Variants in EPHA6 observed in about 807,000 individuals in gnomAD.
The protein encoded by EPHA6 is ephrin type-A receptor 6.
EPHA6 carries 50 observed loss-of-function variants against 112.0 expected under a neutral mutation model. The ratio of observed to expected loss-of-function variants is 0.45; its 90% confidence interval spans 0.36 to 0.56. EPHA6 has a LOEUF of 0.56. Ranked by LOEUF, EPHA6 falls within the 20% of genes least tolerant of loss-of-function variation. EPHA6 has a pLI of 0.00. For missense variants in EPHA6, 1,280 were observed against 1,417.4 expected, an observed-to-expected ratio of 0.90 and a Z score of 1.56; for synonymous variants, 529 against 490.7, an observed-to-expected ratio of 1.08 and a Z score of -1.03.
intron 14 of EPHA6, among the ~76,000 whole-genome samples, chr3:97,700,713 C>T (rs1489331751): frequency 6.6e-6 from 1 of 152,082 alleles, no homozygotes; most frequent in East Asian, 1.9e-4. Context: ...ATACAGTACA[C>T]ATATAAAATA....
At chr3:96,883,439 T>G (rs1576230383) in intron 2 of EPHA6, among the ~76,000 whole-genome samples, 1 of 152,338 alleles carries the variant, frequency 6.6e-6, no homozygotes, top group Non-Finnish European at 1.5e-5. Flanking sequence ...GCTATTTATC[T>G]TTGTTTTTAT....
intron 14 of EPHA6, among the ~76,000 whole-genome samples, chr3:97,669,736 G>T (rs780367500): frequency 5.9e-5 from 9 of 152,174 alleles, no homozygotes; most frequent in Admixed American, 2.6e-4. Flanking sequence ...CAGTCTAGTA[G>T]TAAGAACCCT....
intron 13 of EPHA6, among the ~76,000 whole-genome samples, chr3:97,617,203 G>A (rs1006560458): frequency 6.6e-6 from 1 of 151,938 alleles, no homozygotes; most frequent in Non-Finnish European, 1.5e-5. Flanking sequence ...AGGGAAATAA[G>A]GTCCTTTTCA....
intron 10 of EPHA6, among the ~76,000 whole-genome samples, chr3:97,496,513 C>T (rs1051526367): frequency 2.6e-5 from 4 of 152,090 alleles, no homozygotes; most frequent in African/African-American, 9.7e-5. Context: ...TATGTTATAG[C>T]TCATGCTTTT....
At chr3:97,567,428 C>G (rs191705783) in intron 11 of EPHA6, among the ~76,000 whole-genome samples, 4 of 152,050 alleles carry the variant, frequency 2.6e-5, no homozygotes, top group Admixed American at 2.6e-4. Context: ...AATAATAGCT[C>G]TTTTACAAAG....
At chr3:97,448,886 G>A (rs1457035879) in intron 7 of EPHA6, among the ~76,000 whole-genome samples, 156 bp downstream of exon 7, 2 of 152,028 alleles carry the variant, frequency 1.3e-5, no homozygotes, top group East Asian at 1.9e-4. Context: ...GTTAATATTT[G>A]TTGCTATCAT....
rs201521455 is a variant in EPHA6 at position 97,295,575 on chromosome 3, TC to T, written c.1606+51289del. ...TTGAATTTTTTTTTTTTTACTTTTA[TC>T]AATTTATTTTTCATTGTAATCCTTG... On this transcript the variant is annotated intron_variant, in intron 5 of 17. Transcript: ENST00000389672. 5.5e-3 allele frequency among the ~76,000 whole-genome samples: 837 copies of T among 152,032 alleles called. 5 individuals carry two copies. Among genetic ancestry groups the T allele is most frequent in the Non-Finnish European group, 8.9e-3 (605 of 67,998 alleles).
chr3:97,676,328 G>A (rs1488681004), intron 14 of EPHA6, among the ~76,000 whole-genome samples: 1 of 152,124 alleles, frequency 6.6e-6, no homozygotes, highest in Non-Finnish European at 1.5e-5. Flanking sequence ...CCAAGTGAAG[G>A]AAGTATTTCA....
At chr3:97,302,881 T>G (rs1349327618) in intron 5 of EPHA6, among the ~76,000 whole-genome samples, 1 of 151,572 alleles carries the variant, frequency 6.6e-6, no homozygotes, top group Admixed American at 6.6e-5. Context: ...ATTCACTCAG[T>G]ATAGCTTTTT....
At chr3:97,612,468 C>CAAATA (rs559385186) in intron 13 of EPHA6, 6 of 361,146 alleles carry the variant, frequency 1.7e-5, no homozygotes, top group South Asian at 1.3e-4. Flanking sequence ...CTACCACAAG[C>CAAATA]AAATAAGGTG....
intron 14 of EPHA6, among the ~76,000 whole-genome samples, chr3:97,680,398 C>CAAGTGTG (rs1366982032): frequency 6.6e-6 from 1 of 152,208 alleles, no homozygotes; most frequent in Non-Finnish European, 1.5e-5. Context: ...GACCTCACTA[C>CAAGTGTG]AAGTGTGTAC....
chr3:97,639,904 GTC>G (rs2093985743), intron 14 of EPHA6, among the ~76,000 whole-genome samples: 1 of 151,840 alleles, frequency 6.6e-6, no homozygotes, highest in Admixed American at 6.6e-5. Context: ...TAAGAAATAA[GTC>G]TCTGAATTTA....
intron 5 of EPHA6, among the ~76,000 whole-genome samples, chr3:97,329,374 T>A (rs2082658289): frequency 6.6e-6 from 1 of 151,210 alleles, no homozygotes; most frequent in African/African-American, 2.5e-5. Context: ...TAGTTCTGGA[T>A]CCCTGAGGAA....
chr3:97,489,676 A>G (rs2107517479), intron 10 of EPHA6, among the ~76,000 whole-genome samples: 1 of 145,840 alleles, frequency 6.9e-6, no homozygotes, highest in South Asian at 2.1e-4. Context: ...AAAAAGCGAG[A>G]CTCCGTCTTA....
At chr3:97,234,277 T>C (rs2078617729) in intron 4 of EPHA6, among the ~76,000 whole-genome samples, 1 of 152,110 alleles carries the variant, frequency 6.6e-6, no homozygotes. Context: ...TGCTAACTCC[T>C]TCCTTAGAAC....
chr3:97,426,823 T>C (rs1356236197), intron 6 of EPHA6, among the ~76,000 whole-genome samples: 1 of 152,180 alleles, frequency 6.6e-6, no homozygotes, highest in Admixed American at 6.6e-5. Context: ...ATCTAGAATC[T>C]ATAAGGAACT....
At chr3:96,915,366 A>G (rs537778075) in intron 2 of EPHA6, among the ~76,000 whole-genome samples, 1 of 152,200 alleles carries the variant, frequency 6.6e-6, no homozygotes, top group South Asian at 2.1e-4. Flanking sequence ...AAAGTAAACC[A>G]TTGTTCCCTA....
chr3:96,892,912 C>T (rs2038047037), intron 2 of EPHA6, among the ~76,000 whole-genome samples: 1 of 150,466 alleles, frequency 6.6e-6, no homozygotes, highest in African/African-American at 2.5e-5. Flanking sequence ...TTTATCTAGT[C>T]TAGTGTTTAG....
intron 3 of EPHA6, among the ~76,000 whole-genome samples, chr3:97,206,492 G>A (rs2077715873): frequency 6.6e-6 from 1 of 151,682 alleles, no homozygotes; most frequent in Non-Finnish European, 1.5e-5. Context: ...ATAGAATTTT[G>A]TGATACTCAT....
Sources: gnomAD v4.1 joint callset for allele counts (sites outside exome capture counted in the v4.1 genomes callset) on GRCh38, gnomAD v4.1.1 for gene constraint, MANE v1.5 for transcripts, NCBI Gene and HGNC (gene_info 2026-07-23, HGNC 2026-07-21) for gene names.